The following CCDC93 variants were observed in gnomAD, a reference collection of about 807,000 sequenced individuals.
CCDC93 encodes coiled-coil domain-containing protein 93.
CCDC93 carries 61 observed loss-of-function variants against 108.2 expected under a neutral mutation model. That is an observed-to-expected ratio of 0.56 (90% confidence interval 0.46 to 0.70). The LOEUF is 0.70. CCDC93 is among the 30% of genes least tolerant of loss of function. The pLI, the probability that CCDC93 is intolerant of heterozygous loss-of-function variation, is 0.00. For synonymous variants in CCDC93, 276 were observed against 260.4 expected, an observed-to-expected ratio of 1.06 and a Z score of -0.58; for missense variants, 685 against 764.2, an observed-to-expected ratio of 0.90 and a Z score of 1.22.
chr2:117,939,662 G>C (rs1678637087), intron 19 of CCDC93, among the ~76,000 whole-genome samples: 1 of 152,206 alleles, frequency 6.6e-6, no homozygotes, highest in Admixed American at 6.5e-5. Context: ...CCCTGCCTCT[G>C]ATCATTTGAG....
chr2:118,004,855 G>A (rs1266267878), intron 3 of CCDC93, among the ~76,000 whole-genome samples: 1 of 151,968 alleles, frequency 6.6e-6, no homozygotes, highest in African/African-American at 2.4e-5. Context: ...AAACCCTTTG[G>A]GTCAGATGTG....
chr2:118,013,892 C>CCGGAGGAAGCTGTCCCTG, intron 1 of CCDC93, 62 bp downstream of exon 1: 1 of 1,454,284 alleles, frequency 6.9e-7, no homozygotes, highest in Non-Finnish European at 9.3e-7. Context: ...AGCCCGCCGC[C>CCGGAGGAAGCTGTCCCTG]CCGCGGCTCG....
In CCDC93 at chr2:117,939,959, G is replaced by C. The variant is rs1374453301; in HGVS notation, c.1523-848C>G. On this transcript the variant is annotated intron_variant, in intron 19 of 23. Coordinates refer to ENST00000376300, the MANE Select transcript of CCDC93 (RefSeq NM_019044.5). ...TGCAGGACTTAGTATTGTGTATTTA[G>C]GATTCTAAAGATTACCCAAGAAGTT... 2.6e-5 allele frequency among the ~76,000 whole-genome samples: 4 copies of C among 152,186 alleles called. No homozygotes were observed. The East Asian group carries it at 7.7e-4, about 29-fold the overall frequency.
chr2:117,955,048 T>G (rs1251627578), intron 12 of CCDC93, among the ~76,000 whole-genome samples: 1 of 152,214 alleles, frequency 6.6e-6, no homozygotes, highest in Non-Finnish European at 1.5e-5. Context: ...CAGGTATGTC[T>G]TTATCAGCAG....
At position 117,958,366 on chromosome 2, in the gene CCDC93, T is replaced by C. The variant is rs926437344; in HGVS notation, c.1004A>G (p.Glu335Gly). Reference sequence around the variant, plus strand: ...AACTTACGAAAAGAAAACACTGACCTCTTCAAGATGTTTGGTCTTTTGCGC... The same window carrying C: ...AACTTACGAAAAGAAAACACTGACCCCTTCAAGATGTTTGGTCTTTTGCGC... ...QIAQKTKHLE[E>G]LRASHTSLQA... The change falls in exon 12 of 24, where the codon GAG becomes GGG. Residue 335 changes from glutamate to glycine, a missense_variant and splice_region_variant. By Grantham distance (98) the Glu-to-Gly change is moderately conservative. Transcript: ENST00000376300. The C allele has an allele frequency of 1.9e-6, 3 of 1,570,392 alleles. No individual in the cohort carries two copies. Among genetic ancestry groups the C allele is most frequent in the Admixed American group, 1.7e-5 (1 of 59,942 alleles).
intron 11 of CCDC93, among the ~76,000 whole-genome samples, chr2:117,962,661 A>C (rs1230876268): frequency 2.0e-5 from 3 of 152,172 alleles, no homozygotes; most frequent in Non-Finnish European, 2.9e-5. Flanking sequence ...AAATAAAGAC[A>C]AGTAAACAGA....
At chr2:117,972,920 C>A (rs910891043) in intron 11 of CCDC93, among the ~76,000 whole-genome samples, 2 of 152,122 alleles carry the variant, frequency 1.3e-5, no homozygotes, top group Non-Finnish European at 2.9e-5. Context: ...GAAACACTTA[C>A]TTGGGGGAGT....
intron 11 of CCDC93, among the ~76,000 whole-genome samples, chr2:117,963,987 T>A (rs1235495138): frequency 6.6e-6 from 1 of 152,224 alleles, no homozygotes; most frequent in Non-Finnish European, 1.5e-5. Flanking sequence ...GATACCATTA[T>A]CCTTGCAGTT....
chr2:117,974,497 C>T (rs1159214329), intron 10 of CCDC93, among the ~76,000 whole-genome samples: 3 of 152,134 alleles, frequency 2.0e-5, no homozygotes, highest in Non-Finnish European at 2.9e-5. Context: ...ACTATAATCT[C>T]AAAATCCCGC....
intron 13 of CCDC93, chr2:117,949,615 G>T: frequency 3.2e-6 from 1 of 312,420 alleles, no homozygotes; most frequent in Non-Finnish European, 4.6e-6. Flanking sequence ...AGTATCTACT[G>T]TTCAGTGAAG....
rs1196411222 is a variant in CCDC93 at position 117,986,017 on chromosome 2, A to G, written c.572T>C (p.Leu191Pro). ...KYKRHQGAEE[L>P]LDEESRIHAT... ...ATGGATTCGAGATTCTTCATCAAGTAGCTCCTCTGCTCCCTGGTGGCGTTT... is the reference window on the plus strand; with the variant it reads ...ATGGATTCGAGATTCTTCATCAAGTGGCTCCTCTGCTCCCTGGTGGCGTTT... Residue 191 changes from leucine to proline, a missense_variant, in exon 7 of 24, where the codon CTA becomes CCA. By Grantham distance (98) the Leu-to-Pro change is moderately conservative. Transcript: ENST00000376300. 2 of 1,613,846 alleles carry G rather than the reference A, an allele frequency of 1.2e-6. No homozygotes were observed. The highest frequency in any genetic ancestry group is 1.7e-6 in the Non-Finnish European group (2 of 1,179,792).
chr2:117,935,685 A>C lies in CCDC93; in HGVS notation c.1644-106T>G, dbSNP rs1053837691. On this transcript the variant is annotated intron_variant, in intron 21 of 23. Transcript: ENST00000376300. ...CCAGATTATGACTCTTAGGAGAGGCAATCAGGTCTTTGTAACGCACAGTGG... is the reference window on the plus strand; with the variant it reads ...CCAGATTATGACTCTTAGGAGAGGCCATCAGGTCTTTGTAACGCACAGTGG... The C allele has an allele frequency of 1.7e-5, 14 of 800,856 alleles. No homozygotes were observed. The Admixed American group carries it at 3.3e-4, about 19-fold the overall frequency. The allele number at this position is 800,856 out of a possible 1,614,324, so 49.6% of individuals were successfully genotyped here.
At position 117,985,881 on chromosome 2, in the gene CCDC93, G is replaced by A. The variant is rs933801818; in HGVS notation, c.620+88C>T. ...TGGCTGAAGGCAGAAACTCAATCGG[G>A]TAGAAGCTAGTCAAGTTAATCCAAA... On this transcript the variant is annotated intron_variant, in intron 7 of 23. Coordinates refer to ENST00000376300, the MANE Select transcript of CCDC93 (RefSeq NM_019044.5). The A allele has an allele frequency of 5.2e-6, 4 of 770,496 alleles. No homozygotes were observed. The Admixed American group carries it at 9.0e-5, about 17-fold the overall frequency. The allele number at this position is 770,496 out of a possible 1,614,324, so 47.7% of individuals were successfully genotyped here.
chr2:118,005,737 A>C (rs1676847756), intron 3 of CCDC93, among the ~76,000 whole-genome samples: 1 of 122,564 alleles, frequency 8.2e-6, no homozygotes, highest in Non-Finnish European at 1.7e-5. Context: ...GGGTGATAAG[A>C]GTGAGACTCT....
intron 8 of CCDC93, among the ~76,000 whole-genome samples, chr2:117,977,429 C>T (rs576476215): frequency 6.6e-6 from 1 of 152,338 alleles, no homozygotes; most frequent in South Asian, 2.1e-4. Context: ...CCTTAACATA[C>T]AGCCTGGAAC....
At chr2:117,985,366 G>A in intron 7 of CCDC93, 2 of 604,638 alleles carry the variant, frequency 3.3e-6, no homozygotes, top group Non-Finnish European at 4.2e-6. Context: ...CAACACAAAG[G>A]AAGCACAAGG....
At chr2:117,989,636 T>A (rs945711596) in intron 6 of CCDC93, among the ~76,000 whole-genome samples, 1 of 152,224 alleles carries the variant, frequency 6.6e-6, no homozygotes, top group Non-Finnish European at 1.5e-5. Context: ...GCTTGCTCCA[T>A]TGCTTACTAT....
intron 11 of CCDC93, among the ~76,000 whole-genome samples, chr2:117,961,155 G>A (rs924872798): frequency 2.2e-4 from 33 of 152,196 alleles, no homozygotes; most frequent in Admixed American, 7.2e-4. Context: ...ATGTAACACC[G>A]AGAGGGAAAA....
chr2:117,964,447 G>A (rs980500680), intron 11 of CCDC93, among the ~76,000 whole-genome samples: 5 of 152,122 alleles, frequency 3.3e-5, no homozygotes, highest in Non-Finnish European at 7.3e-5. Flanking sequence ...GTTGGGCACT[G>A]AGAGTATACT....
Sources: gnomAD v4.1 joint callset for allele counts (sites outside exome capture counted in the v4.1 genomes callset) on GRCh38, gnomAD v4.1.1 for gene constraint, MANE v1.5 for transcripts, NCBI Gene and HGNC (gene_info 2026-07-23, HGNC 2026-07-21) for gene names.